The following BCORL1 variants were observed in gnomAD, a reference collection of about 807,000 sequenced individuals.
The protein encoded by BCORL1 is BCL-6 corepressor-like protein 1.
Under a neutral mutation model 87.6 loss-of-function variants are expected in BCORL1, and 7 were observed. The observed-to-expected ratio is 0.08, with a 90% CI of 0.05 to 0.15. The LOEUF (loss-of-function observed/expected upper bound fraction) is 0.15. Ranked by LOEUF, BCORL1 falls within the 10% of genes least tolerant of loss-of-function variation. The pLI is 1.00. For synonymous variants in BCORL1, 591 were observed against 634.4 expected (o/e 0.93, Z 1.03); for missense variants, 1,215 against 1,499.7 (o/e 0.81, Z 3.13).
At chrX:130,043,785 T>TATATATATATATA (rs59484337) in intron 11 of BCORL1, among the ~76,000 whole-genome samples, 14 of 10,395 alleles carry the variant, frequency 1.3e-3, no homozygotes, top group Non-Finnish European at 1.8e-3. Context: ...TATATATATA[T>TATATATATATATA]TTTTTTTTTT....
In BCORL1 at chrX:130,013,926, C is replaced by T; in HGVS notation, c.1154C>T (p.Thr385Ile). The T allele has an allele frequency of 8.5e-7, 1 of 1,174,925 alleles. No individual in the cohort carries two copies. Among genetic ancestry groups the T allele is most frequent in the Non-Finnish European group, 1.1e-6 (1 of 876,671 alleles). ...GCTCCTACACCGGTGCCTGCACCCA[C>T]CCCAGCCCCCATCTTTACTCCAGCC... ...AFAPTPVPAP[T>I]PAPIFTPAPT... Residue 385 changes from threonine to isoleucine, a missense_variant, in exon 4 of 14, where the codon ACC (threonine) becomes ATC (isoleucine). By Grantham distance (89) the Thr-to-Ile change is moderately conservative. This residue lies in a region of BCORL1 where 861 missense variants were observed against 1,010.0 expected (regional missense o/e 0.85). Transcript: ENST00000540052.
At chrX:130,034,216 C>T (rs1016930066) in intron 8 of BCORL1, among the ~76,000 whole-genome samples, 4 of 111,758 alleles carry the variant, frequency 3.6e-5, no homozygotes, top group Non-Finnish European at 7.5e-5. Context: ...ATCTCCCCAC[C>T]GGCTACAAAC....
intron 1 of BCORL1, among the ~76,000 whole-genome samples, chrX:129,995,061 A>AGT (rs1471382664): frequency 6.4e-5 from 7 of 109,955 alleles, no homozygotes; most frequent in Non-Finnish European, 1.3e-4. Context: ...GCTAGACTGC[A>AGT]GTGGCATGAT....
At position 130,020,860 on chromosome X, in the gene BCORL1, C is replaced by T. The variant is rs1023908688; in HGVS notation, c.3442-125C>T. 6.5e-6 allele frequency: 5 copies of T among 772,081 alleles called. No homozygotes were observed. In the African/African-American group the frequency reaches 1.1e-4, roughly 17 times the overall value. The allele number at this position is 772,081 out of a possible 1,213,427, so 63.6% of individuals were successfully genotyped here. On this transcript the variant is annotated intron_variant, in intron 4 of 13. Transcript: ENST00000540052. ...CTGGAAGGCAGTGCACGGCCCCTTG[C>T]CCCTGGTCCCCCACTCTGGGCAGCT...
At chrX:130,018,869 G>A (rs971379095) in intron 4 of BCORL1, among the ~76,000 whole-genome samples, 6 of 112,149 alleles carry the variant, frequency 5.4e-5, no homozygotes, top group African/African-American at 1.9e-4. Context: ...ACCTTCCTGA[G>A]AAGGAAACTG....
chrX:130,012,980 A>G lies in BCORL1; in HGVS notation c.208A>G (p.Asn70Asp), dbSNP rs765213234. ...GCTCACGGCAGTTGGAAGTGGCAGC[A>G]ATGCCCGGGGGGCAGACCCAGATGG... Reference protein sequence around the residue: ...VELTAVGSGSNARGADPDGSA... With the variant: ...VELTAVGSGSDARGADPDGSA... The change falls in exon 4 of 14, where the codon AAT (asparagine) becomes GAT (aspartate). Residue 70 changes from asparagine to aspartate, a missense_variant. By Grantham distance (23) the Asn-to-Asp change is conservative. Coordinates refer to ENST00000540052, the MANE Select transcript of BCORL1 (RefSeq NM_001379451.1). 1.7e-6 allele frequency: 2 copies of G among 1,199,586 alleles called. No individual in the cohort carries two copies. The highest frequency in any genetic ancestry group is 2.3e-6 in the Non-Finnish European group (2 of 886,846).
Position 130,015,794 on chromosome X carries a change from G to C in BCORL1, c.3022G>C (p.Glu1008Gln). 8.3e-7 allele frequency: 1 copy of C among 1,211,906 alleles called. No homozygotes were observed. ...ATPQNLPKMP[E>Q]LPLLPHDSHP... ...CCCCCAGAACCTGCCTAAGATGCCT[G>C]AGCTGCCTTTGCTACCTCACGACAG... Residue 1008 changes from glutamate to glutamine, a missense_variant, in exon 4 of 14, where the codon GAG becomes CAG. Coordinates refer to ENST00000540052, the MANE Select transcript of BCORL1 (RefSeq NM_001379451.1).
chrX:130,039,315 T>A (rs767742234), intron 11 of BCORL1, 33 bp downstream of exon 11: 1 of 1,198,934 alleles, frequency 8.3e-7, no homozygotes, highest in Non-Finnish European at 1.1e-6. Flanking sequence ...ACTGTTGTCC[T>A]TGGGGCCAGC....
In BCORL1 at chrX:130,005,200, C is replaced by T; in HGVS notation, c.-32C>T. 8.5e-7 allele frequency: 1 copy of T among 1,175,547 alleles called. No individual in the cohort carries two copies. Among genetic ancestry groups the T allele is most frequent in the Non-Finnish European group, 1.2e-6 (1 of 868,802 alleles). ...TTCTTTTCCCCAGGGGGAGTGGCCA[C>T]AGCAGGTCCTATCTGGTGGTGAGTG... On this transcript the variant is annotated 5_prime_UTR_variant, in exon 2 of 14. Coordinates refer to ENST00000540052, the MANE Select transcript of BCORL1 (RefSeq NM_001379451.1).
chrX:130,011,635 A>G (rs1255551211), intron 2 of BCORL1, among the ~76,000 whole-genome samples: 8 of 86,439 alleles, frequency 9.3e-5, no homozygotes, highest in African/African-American at 4.3e-4. Flanking sequence ...ACAATTTTCT[A>G]TGATGCTTAC....
At chrX:130,036,437 T>C (rs901730758) in intron 9 of BCORL1, among the ~76,000 whole-genome samples, 1 of 110,801 alleles carries the variant, frequency 9.0e-6, no homozygotes, top group Non-Finnish European at 1.9e-5. Flanking sequence ...ATTTTTGTAT[T>C]TTTAGTAGAG....
chrX:130,026,733 G>A (rs1930268488), intron 7 of BCORL1, among the ~76,000 whole-genome samples: 1 of 112,909 alleles, frequency 8.9e-6, no homozygotes, highest in South Asian at 3.6e-4. Context: ...CACACCTCCA[G>A]TAACGCAGAG....
At position 130,037,529 on chromosome X, in the gene BCORL1, A is replaced by G; in HGVS notation, c.4690A>G (p.Thr1564Ala). ...ANVNCSAQDG[T>A]RPVHDAVVND... ...CGTGAACTGCAGTGCGCAGGACGGC[A>G]CGAGGCAAGAGGGCTGCATCTCCCC... The change falls in exon 10 of 14, where the codon ACG becomes GCG. Residue 1564 changes from threonine (T) to alanine (A), a missense_variant. By Grantham distance (58) the Thr-to-Ala change is moderately conservative. This residue lies in a region of BCORL1 where 55 missense variants were observed against 115.1 expected (regional missense o/e 0.48). Transcript: ENST00000540052. The G allele has an allele frequency of 1.7e-6, 2 of 1,204,492 alleles. No homozygotes were observed. The highest frequency in any genetic ancestry group is 2.2e-6 in the Non-Finnish European group (2 of 890,842).
At chrX:130,026,100 C>T (rs1930230379) in intron 7 of BCORL1, among the ~76,000 whole-genome samples, 5 of 111,645 alleles carry the variant, frequency 4.5e-5, no homozygotes, top group Admixed American at 2.9e-4. Flanking sequence ...TGTTCAGGCC[C>T]ATTCCTATAG....
Position 130,005,216 on chromosome X carries a change from G to A in BCORL1, c.-16G>A. ...GAGTGGCCACAGCAGGTCCTATCTG[G>A]TGGTGAGTGGCTGTCATGATCTCTA... On this transcript the variant is annotated 5_prime_UTR_variant, in exon 2 of 14. The change creates a new upstream start codon in the 5' untranslated region. Transcript: ENST00000540052. 8.3e-7 allele frequency: 1 copy of A among 1,199,365 alleles called. No homozygotes were observed. Among genetic ancestry groups the A allele is most frequent in the Non-Finnish European group, 1.1e-6 (1 of 886,728 alleles).
rs376845874 is a variant in BCORL1, at chrX:130,003,771, G to T, written c.-44-1417G>T. On this transcript the variant is annotated intron_variant, in intron 1 of 13. Coordinates refer to ENST00000540052, the MANE Select transcript of BCORL1 (RefSeq NM_001379451.1). ...ATTGTCCATGTCATCCCCCTGGGAT[G>T]TAAGCTCCACACGGGCAGGCATTTT... is the stretch of plus-strand genomic sequence containing the variant. 6.2e-5 allele frequency among the ~76,000 whole-genome samples: 7 copies of T among 112,114 alleles called. No homozygotes were observed. The East Asian group carries it at 2.0e-3, about 31-fold the overall frequency.
chrX:130,003,507 G>A (rs1251716747), intron 1 of BCORL1, among the ~76,000 whole-genome samples: 5 of 109,785 alleles, frequency 4.6e-5, no homozygotes, highest in African/African-American at 1.7e-4. Context: ...TGAGTATCTG[G>A]GATTACAGGC....
chrX:129,989,795 T>TG (rs1308111389), intron 1 of BCORL1, among the ~76,000 whole-genome samples: 1 of 106,712 alleles, frequency 9.4e-6, no homozygotes, highest in African/African-American at 3.5e-5. Flanking sequence ...TTTCTTTTTT[T>TG]TTTGTTTTTA....
intron 1 of BCORL1, among the ~76,000 whole-genome samples, chrX:130,000,426 T>C (rs1416748508): frequency 8.9e-6 from 1 of 112,505 alleles, no homozygotes; most frequent in Non-Finnish European, 1.9e-5. Context: ...AACGGGGTCC[T>C]TGTTAAAAAT....
Sources: gnomAD v4.1 joint callset for allele counts (sites outside exome capture counted in the v4.1 genomes callset) on GRCh38, gnomAD v4.1.1 for gene constraint, gnomAD v4.1.1 regional missense constraint, MANE v1.5 for transcripts, NCBI Gene and HGNC (gene_info 2026-07-23, HGNC 2026-07-21) for gene names.